The following LRRIQ1 variants were observed in gnomAD, a reference collection of about 807,000 sequenced individuals.
LRRIQ1 encodes the protein leucine-rich repeat- and IQ domain-containing protein 1.
In LRRIQ1, 210 loss-of-function variants were observed where a neutral mutation model predicts 211.9. That is an observed-to-expected ratio of 0.99 (90% confidence interval 0.89 to 1.11). The LOEUF (loss-of-function observed/expected upper bound fraction) is 1.11. Among genes scored for constraint, LRRIQ1 ranks in the 50% most tolerant of loss-of-function variants. LRRIQ1 has a pLI of 0.00. For synonymous variants in LRRIQ1, 699 were observed against 650.1 expected (o/e 1.08, Z -1.14); for missense variants, 2,136 against 1,939.5 (o/e 1.10, Z -1.90).
intron 24 of LRRIQ1, among the ~76,000 whole-genome samples, chr12:85,190,742 C>T (rs779594780): frequency 6.6e-6 from 1 of 151,742 alleles, no homozygotes; most frequent in Non-Finnish European, 1.5e-5. Context: ...GTGGGCCTCT[C>T]GGAATTTTTG....
rs532114699 is a variant in LRRIQ1 at position 85,217,379 on chromosome 12, T to G, written c.4823-12138T>G. 2.0e-5 allele frequency among the ~76,000 whole-genome samples: 3 copies of G among 148,610 alleles called. No individual in the cohort carries two copies. In the South Asian group the frequency reaches 6.3e-4, roughly 31 times the overall value. Reference sequence around the variant, plus strand: ...GGAAATAAAACCACCTACTTGTCCCTCAATTAATAAATATATGTAAATCAG... The same window carrying G: ...GGAAATAAAACCACCTACTTGTCCCGCAATTAATAAATATATGTAAATCAG... On this transcript the variant is annotated intron_variant, in intron 24 of 26. Coordinates refer to ENST00000393217, the MANE Select transcript of LRRIQ1 (RefSeq NM_001079910.2).
chr12:85,036,849 C>T (rs1334631989), intron 1 of LRRIQ1, among the ~76,000 whole-genome samples: 1 of 151,660 alleles, frequency 6.6e-6, no homozygotes, highest in Non-Finnish European at 1.5e-5. Flanking sequence ...AGCTTTTCTA[C>T]TTTTGACAGC....
intron 26 of LRRIQ1, among the ~76,000 whole-genome samples, chr12:85,234,069 C>T (rs905432442): frequency 6.9e-6 from 1 of 144,960 alleles, no homozygotes; most frequent in African/African-American, 2.9e-5. Flanking sequence ...CATCTCTACC[C>T]CCAAAAATAC....
intron 15 of LRRIQ1, among the ~76,000 whole-genome samples, chr12:85,115,204 T>A (rs1228794217): frequency 6.6e-6 from 1 of 152,150 alleles, no homozygotes; most frequent in Non-Finnish European, 1.5e-5. Context: ...TGTTGAGATC[T>A]CACAGTATTC....
At chr12:85,152,398 T>A (rs1890302220) in intron 20 of LRRIQ1, 29 bp downstream of exon 20, 2 of 1,540,952 alleles carry the variant, frequency 1.3e-6, no homozygotes, top group African/African-American at 1.4e-5. Flanking sequence ...TTCTGAGTCC[T>A]CGATCTTTGC....
At chr12:85,213,861 A>T (rs1008995090) in intron 24 of LRRIQ1, among the ~76,000 whole-genome samples, 4 of 152,132 alleles carry the variant, frequency 2.6e-5, no homozygotes, top group Admixed American at 2.0e-4. Context: ...GTTCGAAAAG[A>T]CTAGTAAATG....
intron 10 of LRRIQ1, among the ~76,000 whole-genome samples, chr12:85,071,773 C>T (rs562783055): frequency 7.9e-5 from 12 of 152,128 alleles, no homozygotes; most frequent in African/African-American, 2.2e-4. Context: ...GGCCAAAGGG[C>T]TTGTGCAGGG....
At chr12:85,138,005 A>AGTATAT (rs1592864684) in intron 19 of LRRIQ1, 36 bp downstream of exon 19, 1 of 1,177,132 alleles carries the variant, frequency 8.5e-7, no homozygotes, top group Non-Finnish European at 1.2e-6. Flanking sequence ...TATTGGTCTT[A>AGTATAT]AAATACATTA....
downstream of LRRIQ1, among the ~76,000 whole-genome samples, chr12:85,248,620 A>G (rs1169323121): frequency 6.6e-6 from 1 of 151,662 alleles, no homozygotes; most frequent in Non-Finnish European, 1.5e-5. Flanking sequence ...TTCTTTGGTT[A>G]TATCTAAACT....
chr12:85,123,424 A>C (rs550886945), intron 16 of LRRIQ1, among the ~76,000 whole-genome samples: 24 of 152,258 alleles, frequency 1.6e-4, no homozygotes, highest in African/African-American at 5.5e-4. Flanking sequence ...AATAAGGCTC[A>C]TACAAGTGAA....
intron 15 of LRRIQ1, among the ~76,000 whole-genome samples, chr12:85,111,325 A>G (rs1316644841): frequency 6.6e-6 from 1 of 152,138 alleles, no homozygotes; most frequent in Non-Finnish European, 1.5e-5. Flanking sequence ...CTCATATTCC[A>G]TTCCGTTGAC....
intron 19 of LRRIQ1, among the ~76,000 whole-genome samples, chr12:85,149,743 C>T (rs1238327208): frequency 1.3e-5 from 2 of 151,018 alleles, no homozygotes; most frequent in African/African-American, 4.9e-5. Flanking sequence ...ATTTTTGTTG[C>T]GATTATATAA....
At chr12:85,104,544 G>T (rs1015956350) in intron 14 of LRRIQ1, among the ~76,000 whole-genome samples, 3 of 151,754 alleles carry the variant, frequency 2.0e-5, no homozygotes, top group Admixed American at 6.6e-5. Flanking sequence ...ATATTAATTG[G>T]ATCAAACAGT....
rs189158447 is a variant in LRRIQ1 at position 85,037,290 on chromosome 12, A to G, written c.-24-863A>G. ...AGTAGATGAACAGAGAAAGTCATGT[A>G]AAGGAAATGACTCTTACCTCCACCA... On this transcript the variant is annotated intron_variant, in intron 1 of 26. Transcript: ENST00000393217. 2.5e-3 allele frequency among the ~76,000 whole-genome samples: 381 copies of G among 152,172 alleles called. 4 individuals are homozygous for G. Among genetic ancestry groups the G allele is most frequent in the African/African-American group, 9.0e-3 (373 of 41,542 alleles).
chr12:85,198,170 T>C (rs1275996087), intron 24 of LRRIQ1, among the ~76,000 whole-genome samples: 1 of 132,084 alleles, frequency 7.6e-6, no homozygotes, highest in Non-Finnish European at 1.5e-5. Context: ...ATGTTATATT[T>C]ATATTTATAT....
downstream of LRRIQ1, among the ~76,000 whole-genome samples, chr12:85,248,257 TAA>T (rs1308711131): frequency 2.8e-4 from 43 of 151,740 alleles, no homozygotes; most frequent in East Asian, 7.7e-4. Flanking sequence ...CTCAGGAAAC[TAA>T]CTAATTTGCT....
exon 2 of LRRIQ1, chr12:85,263,775 GT>G (rs1290845702): frequency 6.6e-6 from 1 of 151,698 alleles, no homozygotes; most frequent in Non-Finnish European, 1.5e-5. Context: ...TTTCATTAAG[GT>G]ACCTTAAAAT....
chr12:85,041,902 G>A (rs1306169090), intron 3 of LRRIQ1, among the ~76,000 whole-genome samples: 2 of 151,830 alleles, frequency 1.3e-5, no homozygotes, highest in Non-Finnish European at 2.9e-5. Flanking sequence ...AGAAAGAGAA[G>A]CATATATTGG....
chr12:85,227,794 C>T (rs552684150), intron 24 of LRRIQ1, among the ~76,000 whole-genome samples: 1 of 152,152 alleles, frequency 6.6e-6, no homozygotes, highest in East Asian at 1.9e-4. Context: ...ACAATAACCA[C>T]AACAGCATGG....
Sources: gnomAD v4.1 joint callset for allele counts (sites outside exome capture counted in the v4.1 genomes callset) on GRCh38, gnomAD v4.1.1 for gene constraint, MANE v1.5 for transcripts, NCBI Gene and HGNC (gene_info 2026-07-23, HGNC 2026-07-21) for gene names.